XKRX: variants seen among roughly 807,000 people sequenced by gnomAD.
XKRX encodes the protein XK-related protein 2.
Under a neutral mutation model 22.4 loss-of-function variants are expected in XKRX, and 11 were observed. The ratio of observed to expected loss-of-function variants is 0.49; its 90% CI spans 0.31 to 0.81. The LOEUF (loss-of-function observed/expected upper bound fraction) is 0.81. Ranked by LOEUF, XKRX falls within the 40% of genes least tolerant of loss-of-function variation. XKRX has a pLI of 0.05. For synonymous variants in XKRX, 114 were observed against 132.2 expected, an observed-to-expected ratio of 0.86 and a Z score of 0.94; for missense variants, 320 against 336.5, an observed-to-expected ratio of 0.95 and a Z score of 0.38.
chrX:100,917,148 A>G (rs941130520), intron 2 of XKRX, among the ~76,000 whole-genome samples: 1 of 109,901 alleles, frequency 9.1e-6, no homozygotes, highest in African/African-American at 3.3e-5. Context: ...TTAGCCAGGC[A>G]TGATGGCATG....
At chrX:100,926,855 G>C (rs2085499980) in intron 1 of XKRX, among the ~76,000 whole-genome samples, 1 of 111,867 alleles carries the variant, frequency 8.9e-6, no homozygotes, top group Non-Finnish European at 1.9e-5. Context: ...TCCCAACTTC[G>C]TATCTTTATT....
the XKRX span, among the ~76,000 whole-genome samples, chrX:100,950,281 A>G: frequency 8.0e-5 from 9 of 112,457 alleles, no homozygotes; most frequent in African/African-American, 2.9e-4. Context: ...CTTATGTATA[A>G]TGCAATAATT....
chrX:100,918,430 A>G (rs1422564587), intron 2 of XKRX, among the ~76,000 whole-genome samples: 1 of 111,985 alleles, frequency 8.9e-6, no homozygotes, highest in Non-Finnish European at 1.9e-5. Flanking sequence ...TTTCCCTTAC[A>G]TTAGAACTCA....
chrX:100,890,382 T>C, the XKRX span, among the ~76,000 whole-genome samples: 1 of 110,132 alleles, frequency 9.1e-6, no homozygotes, highest in Non-Finnish European at 1.9e-5. Context: ...ACACAGTCTT[T>C]CCTTGTAAAG....
chrX:100,950,204 T>C, the XKRX span, among the ~76,000 whole-genome samples: 1 of 111,814 alleles, frequency 8.9e-6, no homozygotes, highest in Admixed American at 9.5e-5. Flanking sequence ...GAAAAAGTTC[T>C]GAAAAAATAA....
At chrX:100,952,100 T>C in the XKRX span, among the ~76,000 whole-genome samples, 2 of 110,306 alleles carry the variant, frequency 1.8e-5, no homozygotes, top group Non-Finnish European at 3.8e-5. Context: ...ATAATAATAA[T>C]TATACCTCAC....
At chrX:100,908,908 G>A (rs1349906979), downstream of XKRX, among the ~76,000 whole-genome samples, 5 of 108,911 alleles carry the variant, frequency 4.6e-5, no homozygotes, top group Admixed American at 3.0e-4. Flanking sequence ...ACTGAAGGTT[G>A]ACCTAGGCTC....
At chrX:100,892,060 C>T in the XKRX span, among the ~76,000 whole-genome samples, 1 of 111,614 alleles carries the variant, frequency 9.0e-6, no homozygotes, top group African/African-American at 3.2e-5. Flanking sequence ...TAAAAAGCTT[C>T]TGCACAGCAA....
At chrX:100,888,121 T>C in the XKRX span, 84 of 1,172,668 alleles carry the variant, frequency 7.2e-5, no homozygotes, top group South Asian at 5.9e-4. Flanking sequence ...ATCTTATCCA[T>C]GGAGTCATGG....
chrX:100,951,332 A>G, the XKRX span, among the ~76,000 whole-genome samples: 1,535 of 106,064 alleles, frequency 0.014, 32 homozygotes, highest in African/African-American at 0.05. Flanking sequence ...GGGCAATAGA[A>G]TCATTAGAAG....
chrX:100,887,490 C>T, the XKRX span: 1 of 392,104 alleles, frequency 2.6e-6, no homozygotes, highest in South Asian at 3.1e-5. Context: ...TGCCCATACA[C>T]ATGAATATTT....
chrX:100,947,835 A>G, the XKRX span, among the ~76,000 whole-genome samples: 1 of 112,375 alleles, frequency 8.9e-6, no homozygotes, highest in Non-Finnish European at 1.9e-5. Flanking sequence ...TACTCATAAG[A>G]AAGTTGCAGC....
the XKRX span, among the ~76,000 whole-genome samples, chrX:100,890,452 G>A: frequency 0.38 from 40,191 of 106,674 alleles, 6,372 homozygotes; most frequent in African/African-American, 0.5. Flanking sequence ...AAGCAATGAC[G>A]AAAACTGCAG....
the XKRX span, among the ~76,000 whole-genome samples, chrX:100,901,730 C>T: frequency 1.7e-4 from 19 of 111,719 alleles, no homozygotes; most frequent in African/African-American, 5.2e-4. Context: ...CTGGGCATGA[C>T]GGCTCACACC....
chrX:100,950,904 A>T, the XKRX span, among the ~76,000 whole-genome samples: 3 of 111,751 alleles, frequency 2.7e-5, no homozygotes, highest in Non-Finnish European at 5.6e-5. Flanking sequence ...AGTGGTGACA[A>T]CAAAATTTAT....
At chrX:100,916,592 TC>T (rs2085437220) in intron 2 of XKRX, among the ~76,000 whole-genome samples, 1 of 112,145 alleles carries the variant, frequency 8.9e-6, no homozygotes. Flanking sequence ...CTAATAGAAG[TC>T]CCTTCTTTGA....
downstream of XKRX, among the ~76,000 whole-genome samples, chrX:100,910,176 C>T (rs886069636): frequency 9.0e-6 from 1 of 111,184 alleles, no homozygotes; most frequent in African/African-American, 3.3e-5. Flanking sequence ...TACTTCTTTT[C>T]CCCAAACTTC....
At chrX:100,949,885 A>G in the XKRX span, among the ~76,000 whole-genome samples, 1 of 112,387 alleles carries the variant, frequency 8.9e-6, no homozygotes, top group Non-Finnish European at 1.9e-5. Flanking sequence ...GTATGCTTGA[A>G]ACAAATGAAA....
At chrX:100,917,634 G>GAAAGAAAGAAAGAAAGAAAGAAAGA (rs1556193289) in intron 2 of XKRX, among the ~76,000 whole-genome samples, 2 of 49,034 alleles carry the variant, frequency 4.1e-5, no homozygotes, top group African/African-American at 2.2e-4. Flanking sequence ...GAGAAAGAAA[G>GAAAGAAAGAAAGAAAGAAAGAAAGA]AAGAAAGAAA....
Sources: gnomAD v4.1 joint callset for allele counts (sites outside exome capture counted in the v4.1 genomes callset) on GRCh38, gnomAD v4.1.1 for gene constraint, MANE v1.5 for transcripts, NCBI Gene and HGNC (gene_info 2026-07-23, HGNC 2026-07-21) for gene names.